Variants in ZNF638 observed in about 807,000 individuals in gnomAD.
ZNF638 encodes the protein CTCL tumor antigen se33-1.
A neutral mutation model predicts 195.6 loss-of-function variants in ZNF638; 46 were observed. That is an observed-to-expected ratio of 0.24 (90% confidence interval 0.19 to 0.30). The LOEUF is 0.30. Ranked by LOEUF, ZNF638 falls within the 10% of genes least tolerant of loss-of-function variation. The pLI, the probability that ZNF638 is intolerant of heterozygous loss-of-function variation, is 1.00. For synonymous variants in ZNF638, 845 were observed against 772.0 expected (o/e 1.09, Z -1.57); for missense variants, 2,440 against 2,325.3 (o/e 1.05, Z -1.01).
In ZNF638 at chr2:71,400,742, C is replaced by A. The variant is rs375794950; in HGVS notation, c.2697+224C>A. 2.0e-4 allele frequency among the ~76,000 whole-genome samples: 31 copies of A among 152,216 alleles called. 1 individual carries two copies. The highest frequency in any genetic ancestry group is 7.5e-4 in the African/African-American group (31 of 41,550). ...TAAGTCACAAAAAGTAGGAACAGAT[C>A]ATCAACAAATGTACATGTTTTTTGA... On this transcript the variant is annotated intron_variant, in intron 15 of 27. Coordinates refer to ENST00000264447, the MANE Select transcript of ZNF638 (RefSeq NM_014497.5).
At chr2:71,393,654 C>A (rs757855711) in intron 10 of ZNF638, 70 of 717,404 alleles carry the variant, frequency 9.8e-5, no homozygotes, top group African/African-American at 1.4e-4. Flanking sequence ...GTGTAAGTTA[C>A]AACTCACGTA....
intron 20 of ZNF638, among the ~76,000 whole-genome samples, chr2:71,410,979 CA>C (rs1240559206): frequency 0.068 from 4,271 of 62,912 alleles, 37 homozygotes; most frequent in East Asian, 0.23. Context: ...CCCCACCCAC[CA>C]CCTCCCCCCC....
intron 23 of ZNF638, 98 bp downstream of exon 23, chr2:71,424,813 TA>T: frequency 1.1e-6 from 1 of 913,242 alleles, no homozygotes; most frequent in Non-Finnish European, 1.7e-6. Context: ...TGTTAGTGAC[TA>T]AGAGTTTAGA....
intron 8 of ZNF638, among the ~76,000 whole-genome samples, chr2:71,372,494 T>TCC (rs1243250324): frequency 6.6e-6 from 1 of 152,192 alleles, no homozygotes; most frequent in Non-Finnish European, 1.5e-5. Flanking sequence ...ACAGACTCTG[T>TCC]CCATGTTGTG....
At chr2:71,357,105 G>A (rs952509475) in intron 3 of ZNF638, among the ~76,000 whole-genome samples, 1 of 151,928 alleles carries the variant, frequency 6.6e-6, no homozygotes, top group Non-Finnish European at 1.5e-5. Context: ...ACACAGCCTC[G>A]GGAGGTTCTG....
At chr2:71,389,939 G>A (rs2079736628) in intron 10 of ZNF638, among the ~76,000 whole-genome samples, 1 of 152,190 alleles carries the variant, frequency 6.6e-6, no homozygotes, top group African/African-American at 2.4e-5. Context: ...AACTGGTGGG[G>A]ACTGAAACAC....
At chr2:71,398,824 T>G in intron 12 of ZNF638, 52 bp downstream of exon 12, 1 of 1,444,288 alleles carries the variant, frequency 6.9e-7, no homozygotes, top group Non-Finnish European at 9.6e-7. Context: ...ATTTATGTTT[T>G]AAATTCGTAT....
rs1021003834 is a variant in ZNF638, at chr2:71,434,781, G to A, written c.5911G>A (p.Glu1971Lys). Reference sequence around the variant, plus strand: ...GCAAAGAAAGGAAAAGGAGCAGAATGAGGCTGAAGAAAGAAGCTCTAGGTG... The same window carrying A: ...GCAAAGAAAGGAAAAGGAGCAGAATAAGGCTGAAGAAAGAAGCTCTAGGTG... ...AKQRKEKEQNEAEERSSR is the reference protein window; with the variant it reads ...AKQRKEKEQNKAEERSSR The change falls in exon 28 of 28, where the codon GAG becomes AAG. Residue 1971 changes from glutamate (E) to lysine (K), a missense_variant. Around this residue, in one of 5 missense-constraint regions of ZNF638, gnomAD observed 1,883 missense variants for 1,739.1 expected, o/e 1.08. Coordinates refer to ENST00000264447, the MANE Select transcript of ZNF638 (RefSeq NM_014497.5). 1 of 1,611,348 alleles carries A rather than the reference G, an allele frequency of 6.2e-7. No individual in the cohort carries two copies.
At chr2:71,379,964 C>T (rs1047152616) in intron 8 of ZNF638, 3 of 269,852 alleles carry the variant, frequency 1.1e-5, no homozygotes, top group Non-Finnish European at 2.1e-5. Context: ...TCAGCACGAG[C>T]ACGGTTTCAA....
Position 71,365,458 on chromosome 2 carries a change from C to A in ZNF638, c.1747C>A (p.Gln583Lys). ...AAAAAAAGCATTAGAAGATGTAGTA[C>A]AACGATCTGGGCATGGGACAGAATT... The part of the protein sequence containing the change: ...DRKKALEDVV[Q>K]RSGHGTEFNK... The change falls in exon 6 of 28, where the codon CAA (glutamine) becomes AAA (lysine). Residue 583 changes from glutamine to lysine, a missense_variant. By Grantham distance (53) the Gln-to-Lys change is moderately conservative. Around this residue, in one of 5 missense-constraint regions of ZNF638, gnomAD observed 1,883 missense variants for 1,739.1 expected, o/e 1.08. Coordinates refer to ENST00000264447, the MANE Select transcript of ZNF638 (RefSeq NM_014497.5). 2.5e-6 allele frequency: 4 copies of A among 1,611,104 alleles called. No homozygotes were observed. The highest frequency in any genetic ancestry group is 3.4e-6 in the Non-Finnish European group (4 of 1,178,794).
chr2:71,431,922 A>C (rs191022068), intron 26 of ZNF638, among the ~76,000 whole-genome samples: 1 of 152,302 alleles, frequency 6.6e-6, no homozygotes, highest in East Asian at 1.9e-4. Context: ...TGAGAAGGAT[A>C]TTTTTACTGC....
chr2:71,342,727 G>T (rs1249097755), intron 1 of ZNF638, among the ~76,000 whole-genome samples: 1 of 152,152 alleles, frequency 6.6e-6, no homozygotes, highest in Non-Finnish European at 1.5e-5. Flanking sequence ...AATTGGTGTA[G>T]AGAGAGCAGA....
At chr2:71,406,377 T>G (rs527367827) in intron 19 of ZNF638, 115 bp downstream of exon 19, 3 of 889,868 alleles carry the variant, frequency 3.4e-6, no homozygotes, top group Admixed American at 2.6e-5. Context: ...ACTCAACCAC[T>G]TCGCAGAATT....
At chr2:71,372,237 C>T (rs1303561010) in intron 8 of ZNF638, among the ~76,000 whole-genome samples, 1 of 152,096 alleles carries the variant, frequency 6.6e-6, no homozygotes, top group Non-Finnish European at 1.5e-5. Context: ...GTCCTTGTGT[C>T]CTAGACTACC....
In ZNF638 at chr2:71,337,013, A is replaced by G. The variant is rs563685138; in HGVS notation, c.-203+5138A>G. Among the ~76,000 whole-genome samples, 20 of 152,062 alleles carry G rather than the reference A, an allele frequency of 1.3e-4. No homozygotes were observed. The East Asian group carries it at 3.9e-3, about 29-fold the overall frequency. ...TTATTATGGATTGCATAATAGGCTGACTAACAGTCAATAGTTAGGAAGTGA... is the reference window on the plus strand; with the variant it reads ...TTATTATGGATTGCATAATAGGCTGGCTAACAGTCAATAGTTAGGAAGTGA... On this transcript the variant is annotated intron_variant, in intron 1 of 27. Transcript: ENST00000264447.
Position 71,357,670 on chromosome 2 carries a change from A to G in ZNF638, c.1379+1890A>G, listed in dbSNP as rs776251043. Among the ~76,000 whole-genome samples, 9 of 152,124 alleles carry G rather than the reference A, an allele frequency of 5.9e-5. 1 individual carries two copies. The highest frequency in any genetic ancestry group is 1.3e-4 in the Non-Finnish European group (9 of 68,034). ...TAAAGCCTTTAGTGTAGGTAAGCCT[A>G]TTATTTTTTTCATACATGTAGGACC... On this transcript the variant is annotated intron_variant, in intron 3 of 27. Coordinates refer to ENST00000264447, the MANE Select transcript of ZNF638 (RefSeq NM_014497.5).
intron 21 of ZNF638, among the ~76,000 whole-genome samples, chr2:71,422,051 T>C (rs2080444060): frequency 6.6e-6 from 1 of 152,166 alleles, no homozygotes; most frequent in Non-Finnish European, 1.5e-5. Context: ...TACTTACACA[T>C]TTAAGTTAAA....
At position 71,434,692 on chromosome 2, in the gene ZNF638, A is replaced by T. The variant is rs1192245536; in HGVS notation, c.5872-50A>T. On this transcript the variant is annotated intron_variant, in intron 27 of 27. Transcript: ENST00000264447. ...ATACAGTAGATAAGTTTGCACACAT[A>T]GCAAAATAACGTCTAATAAGTATTT... The T allele has an allele frequency of 3.3e-6, 5 of 1,514,038 alleles. No individual in the cohort carries two copies. The South Asian group carries it at 5.8e-5, about 18-fold the overall frequency. 93.8% of individuals were successfully genotyped at this position (1,514,038 alleles called of 1,614,324 possible). A position where few individuals can be genotyped will look rare whatever the true frequency, so the allele number is the denominator to read the frequency against.
At chr2:71,384,793 G>T (rs2670711) in intron 10 of ZNF638, among the ~76,000 whole-genome samples, 137,237 of 152,286 alleles carry the variant, frequency 0.9, 61,915 homozygotes, top group Admixed American at 0.92. Flanking sequence ...TTAAATCTAA[G>T]TATAAAAGTA....
Sources: allele counts gnomAD v4.1 joint callset (sites outside exome capture counted in the v4.1 genomes callset), GRCh38; gene constraint gnomAD v4.1.1; regional missense constraint gnomAD v4.1.1; transcripts MANE v1.5; gene names NCBI Gene and HGNC (gene_info 2026-07-23, HGNC 2026-07-21).